The following NKAIN2 variants were observed in gnomAD, a reference collection of about 807,000 sequenced individuals.
NKAIN2 encodes the protein sodium/potassium transporting ATPase interacting 2.
Under a neutral mutation model 32.6 loss-of-function variants are expected in NKAIN2, and 14 were observed. The observed-to-expected ratio is 0.43, with a 90% CI of 0.28 to 0.67. The LOEUF (loss-of-function observed/expected upper bound fraction) is 0.67. Ranked by LOEUF, NKAIN2 falls within the 30% of genes least tolerant of loss-of-function variation. NKAIN2 has a pLI of 0.17. For synonymous variants in NKAIN2, 80 were observed against 87.2 expected, an observed-to-expected ratio of 0.92 and a Z score of 0.46; for missense variants, 198 against 258.3, an observed-to-expected ratio of 0.77 and a Z score of 1.60.
intron 3 of NKAIN2, among the ~76,000 whole-genome samples, chr6:124,537,491 A>G (rs1383792685): frequency 1.3e-5 from 2 of 152,208 alleles, no homozygotes; most frequent in African/African-American, 4.8e-5. Context: ...TTTTAAAAGT[A>G]TACATATTTA....
chr6:124,301,360 C>G (rs146716293), intron 2 of NKAIN2, among the ~76,000 whole-genome samples: 2 of 152,182 alleles, frequency 1.3e-5, no homozygotes, highest in African/African-American at 4.8e-5. Flanking sequence ...GTCCTGCAGG[C>G]GCAGAACCCT....
chr6:124,278,650 C>CATATGTATATAT (rs397948818), intron 1 of NKAIN2, among the ~76,000 whole-genome samples: 2 of 68,986 alleles, frequency 2.9e-5, no homozygotes, highest in African/African-American at 9.1e-5. Context: ...ATACATAGCT[C>CATATGTATATAT]ATATATATAT....
intron 4 of NKAIN2, among the ~76,000 whole-genome samples, chr6:124,660,990 C>T (rs1227039011): frequency 2.6e-5 from 4 of 152,132 alleles, no homozygotes; most frequent in Non-Finnish European, 1.5e-5. Context: ...TTGTGTTACC[C>T]AGATCATCTC....
At chr6:124,466,587 A>C (rs1478707915) in intron 3 of NKAIN2, among the ~76,000 whole-genome samples, 1 of 152,010 alleles carries the variant, frequency 6.6e-6, no homozygotes, top group Admixed American at 6.6e-5. Context: ...CTCAGGAGAG[A>C]GTCTGAAGAT....
At chr6:124,360,420 C>A (rs1210032130) in intron 3 of NKAIN2, among the ~76,000 whole-genome samples, 1 of 152,106 alleles carries the variant, frequency 6.6e-6, no homozygotes, top group East Asian at 1.9e-4. Flanking sequence ...AGTGTACATT[C>A]ATATTGAAAT....
At chr6:124,071,027 T>A (rs1390115809) in intron 1 of NKAIN2, among the ~76,000 whole-genome samples, 1 of 152,172 alleles carries the variant, frequency 6.6e-6, no homozygotes, top group East Asian at 1.9e-4. Flanking sequence ...AGGCTGGAAG[T>A]CATGCTCTGG....
intron 3 of NKAIN2, among the ~76,000 whole-genome samples, chr6:124,595,840 C>T (rs533952090): frequency 6.6e-6 from 1 of 152,156 alleles, no homozygotes; most frequent in Non-Finnish European, 1.5e-5. Flanking sequence ...TTCTGCAGAG[C>T]TAATTACACA....
At chr6:124,399,777 A>G (rs1038596675) in intron 3 of NKAIN2, among the ~76,000 whole-genome samples, 1 of 152,216 alleles carries the variant, frequency 6.6e-6, no homozygotes, top group East Asian at 1.9e-4. Flanking sequence ...TTTCCGCTTT[A>G]TAAAAATTGT....
At chr6:124,121,990 T>C (rs1378089885) in intron 1 of NKAIN2, 10 of 608,288 alleles carry the variant, frequency 1.6e-5, no homozygotes, top group Non-Finnish European at 2.5e-5. Context: ...CAGGGTAATA[T>C]ATATTTGAAG....
chr6:124,649,653 C>T (rs1018950992), intron 3 of NKAIN2, among the ~76,000 whole-genome samples: 2 of 151,976 alleles, frequency 1.3e-5, no homozygotes, highest in African/African-American at 4.8e-5. Context: ...CAGACAAAGG[C>T]AGCACAAAAA....
intron 1 of NKAIN2, among the ~76,000 whole-genome samples, chr6:123,972,690 G>A (rs969202861): frequency 1.3e-5 from 2 of 152,084 alleles, no homozygotes; most frequent in African/African-American, 4.8e-5. Flanking sequence ...TCAAAAAATA[G>A]CCATCAACTT....
intron 1 of NKAIN2, among the ~76,000 whole-genome samples, chr6:123,976,755 A>C (rs1562288126): frequency 6.6e-6 from 1 of 152,154 alleles, no homozygotes. Context: ...TTTATATGCA[A>C]CTGAATTGGA....
chr6:124,727,529 G>A (rs1269175149), intron 4 of NKAIN2, among the ~76,000 whole-genome samples: 3 of 151,290 alleles, frequency 2.0e-5, no homozygotes, highest in Non-Finnish European at 4.4e-5. Flanking sequence ...TCACCACCAG[G>A]CCTGCCCTAA....
chr6:124,677,446 G>GTT (rs1773417909), intron 4 of NKAIN2, among the ~76,000 whole-genome samples: 2 of 151,714 alleles, frequency 1.3e-5, no homozygotes, highest in African/African-American at 4.8e-5. Flanking sequence ...CTATCTTTAT[G>GTT]TTTCATTGAC....
chr6:124,257,983 G>T (rs1336068656), intron 1 of NKAIN2, among the ~76,000 whole-genome samples: 1 of 151,818 alleles, frequency 6.6e-6, no homozygotes, highest in Non-Finnish European at 1.5e-5. Flanking sequence ...GTTTCACCAT[G>T]TTGGCCAGGC....
intron 3 of NKAIN2, among the ~76,000 whole-genome samples, chr6:124,468,731 G>A (rs1315224785): frequency 1.3e-5 from 2 of 152,108 alleles, no homozygotes; most frequent in Non-Finnish European, 1.5e-5. Flanking sequence ...AACACTGATC[G>A]ATGAAACTTA....
At chr6:124,154,551 CTT>C (rs1473233267) in intron 1 of NKAIN2, among the ~76,000 whole-genome samples, 1 of 151,900 alleles carries the variant, frequency 6.6e-6, no homozygotes, top group Non-Finnish European at 1.5e-5. Context: ...CTTTGTGACT[CTT>C]TTTTATGTAC....
chr6:124,244,995 C>T lies in NKAIN2; in HGVS notation c.55-38010C>T, dbSNP rs549351705. Among the ~76,000 whole-genome samples the T allele has an allele frequency of 1.1e-4, 16 of 152,170 alleles. No individual in the cohort carries two copies. The East Asian group carries it at 2.7e-3, about 26-fold the overall frequency. On this transcript the variant is annotated intron_variant, in intron 1 of 6. Coordinates refer to ENST00000368417, the MANE Select transcript of NKAIN2 (RefSeq NM_001040214.3). ...CAGCCACTTATATATATTCCTAGTGCATGTTGGCTCCATCCTCAAAGTATA... is the reference window on the plus strand; with the variant it reads ...CAGCCACTTATATATATTCCTAGTGTATGTTGGCTCCATCCTCAAAGTATA...
At chr6:124,542,811 G>A (rs1012700113) in intron 3 of NKAIN2, among the ~76,000 whole-genome samples, 3 of 152,024 alleles carry the variant, frequency 2.0e-5, no homozygotes, top group South Asian at 2.1e-4. Flanking sequence ...AAATTTGCAC[G>A]TTCAGTAATG....
Sources: gnomAD v4.1 joint callset for allele counts (sites outside exome capture counted in the v4.1 genomes callset) on GRCh38, gnomAD v4.1.1 for gene constraint, MANE v1.5 for transcripts, NCBI Gene and HGNC (gene_info 2026-07-23, HGNC 2026-07-21) for gene names.